Variants in CNTN3 observed in about 807,000 individuals in gnomAD.
CNTN3 encodes contactin 3.
A neutral mutation model predicts 119.1 loss-of-function variants in CNTN3; 60 were observed. The observed-to-expected ratio is 0.50, with a 90% confidence interval of 0.41 to 0.62. CNTN3 has a LOEUF of 0.62. CNTN3 is among the 20% of genes least tolerant of loss of function. The pLI, the probability that CNTN3 is intolerant of heterozygous loss-of-function variation, is 0.00. For synonymous variants in CNTN3, 450 were observed against 438.7 expected (o/e 1.03, Z -0.32); for missense variants, 1,101 against 1,242.4 (o/e 0.89, Z 1.71).
intron 14 of CNTN3, among the ~76,000 whole-genome samples, chr3:74,302,411 A>T (rs1390174172): frequency 6.6e-6 from 1 of 152,186 alleles, no homozygotes; most frequent in African/African-American, 2.4e-5. Context: ...TCTCAAATTA[A>T]ATACAATCAC....
intron 2 of CNTN3, among the ~76,000 whole-genome samples, chr3:74,511,744 G>T (rs2107104921): frequency 6.6e-6 from 1 of 152,160 alleles, no homozygotes; most frequent in Non-Finnish European, 1.5e-5. Flanking sequence ...TAAATAAAAT[G>T]TTATTGGAAC....
intron 4 of CNTN3, among the ~76,000 whole-genome samples, chr3:74,474,876 T>C (rs1180794922): frequency 6.6e-6 from 1 of 152,050 alleles, no homozygotes; most frequent in Non-Finnish European, 1.5e-5. Flanking sequence ...AAGTGTGTGG[T>C]TCCTCCCCAC....
intron 1 of CNTN3, among the ~76,000 whole-genome samples, chr3:74,588,448 A>C (rs1354862584): frequency 2.6e-5 from 4 of 152,086 alleles, no homozygotes; most frequent in African/African-American, 9.7e-5. Context: ...GCTCAAGGAA[A>C]TAAAAGAGGA....
chr3:74,281,200 T>C (rs1331644389), intron 20 of CNTN3, among the ~76,000 whole-genome samples: 2 of 152,098 alleles, frequency 1.3e-5, no homozygotes, highest in Non-Finnish European at 2.9e-5. Flanking sequence ...AGTGACATTA[T>C]CAGGATGTCA....
rs77729116 is a variant in CNTN3, at chr3:74,295,468, C to T, written c.2402-232G>A. 1.7e-3 allele frequency among the ~76,000 whole-genome samples: 266 copies of T among 152,268 alleles called. 2 individuals carry two copies. The highest frequency in any genetic ancestry group is 6.8e-3 in the Middle Eastern group (2 of 294). ...AACAGCTGTGGCAACCTATACTTTCCTCCCTTGCACCTCTTTCTTGGCATC... is the reference window on the plus strand; with the variant it reads ...AACAGCTGTGGCAACCTATACTTTCTTCCCTTGCACCTCTTTCTTGGCATC... On this transcript the variant is annotated intron_variant, in intron 18 of 22. Coordinates refer to ENST00000263665, the MANE Select transcript of CNTN3 (RefSeq NM_020872.3).
At chr3:74,608,118 A>T (rs1227220633) in intron 1 of CNTN3, among the ~76,000 whole-genome samples, 3 of 152,202 alleles carry the variant, frequency 2.0e-5, no homozygotes, top group Admixed American at 6.5e-5. Flanking sequence ...AAAGCTAAAA[A>T]ATGCAGATTA....
At position 74,486,499 on chromosome 3, in the gene CNTN3, T is replaced by G. The variant is rs763578810; in HGVS notation, c.315A>C (p.Ser105=). 1.9e-6 allele frequency: 3 copies of G among 1,607,432 alleles called. No individual in the cohort carries two copies. Among genetic ancestry groups the G allele is most frequent in the South Asian group, 2.2e-5 (2 of 89,172 alleles). The change falls in exon 4 of 23, where the codon TCA becomes TCC. Residue 105 remains serine (S), a synonymous_variant. Transcript: ENST00000263665. ...CTTCTCTGCTGACAATTGTTCCAAG[T>G]GAATTTGTTGCAAAACATTGGTAAG... The part of the protein sequence containing the change: ...TGTYQCFATN[S]LGTIVSREAK...
chr3:74,425,015 T>A, intron 4 of CNTN3, 75 bp from the exon 5 acceptor site: 1 of 919,924 alleles, frequency 1.1e-6, no homozygotes. Flanking sequence ...AGACCTTCCT[T>A]TCTTTTAGAA....
intron 1 of CNTN3, among the ~76,000 whole-genome samples, chr3:74,566,669 C>A (rs551075677): frequency 1.3e-5 from 2 of 152,246 alleles, no homozygotes; most frequent in African/African-American, 4.8e-5. Context: ...ACACCCTAAT[C>A]CAGTAAACTC....
Position 74,438,900 on chromosome 3 carries a change from T to G in CNTN3, c.359-13960A>C, listed in dbSNP as rs143475310. 1.6e-4 allele frequency among the ~76,000 whole-genome samples: 24 copies of G among 152,264 alleles called. No individual in the cohort carries two copies. In the East Asian group the frequency reaches 4.1e-3, roughly 26 times the overall value. Reference sequence around the variant, plus strand: ...TAGCACATGCAATAATTCTCCTAACTCAACACAAAAATATTGAACACAGAA... The same window carrying G: ...TAGCACATGCAATAATTCTCCTAACGCAACACAAAAATATTGAACACAGAA... On this transcript the variant is annotated intron_variant, in intron 4 of 22. Coordinates refer to ENST00000263665, the MANE Select transcript of CNTN3 (RefSeq NM_020872.3).
At chr3:74,592,174 T>G (rs572214380) in intron 1 of CNTN3, among the ~76,000 whole-genome samples, 1 of 151,848 alleles carries the variant, frequency 6.6e-6, no homozygotes, top group Admixed American at 6.6e-5. Flanking sequence ...ACCACAGAAC[T>G]TGACATTAAG....
chr3:74,441,970 T>C (rs955875677), intron 4 of CNTN3, among the ~76,000 whole-genome samples: 1 of 152,172 alleles, frequency 6.6e-6, no homozygotes, highest in Admixed American at 6.6e-5. Flanking sequence ...CCATTCAATT[T>C]CATTTTTTGC....
At chr3:74,431,059 G>A (rs1235166336) in intron 4 of CNTN3, among the ~76,000 whole-genome samples, 2 of 152,060 alleles carry the variant, frequency 1.3e-5, no homozygotes, top group Non-Finnish European at 2.9e-5. Context: ...CTTGTGACTA[G>A]CTTTTTGTAA....
intron 4 of CNTN3, among the ~76,000 whole-genome samples, chr3:74,440,497 A>G (rs1378695111): frequency 3.3e-5 from 5 of 151,558 alleles, no homozygotes; most frequent in Non-Finnish European, 7.4e-5. Flanking sequence ...AAAAAAAAAA[A>G]GTCTCCCATA....
chr3:74,551,922 C>CCA (rs1703998271), intron 1 of CNTN3, among the ~76,000 whole-genome samples: 1 of 151,578 alleles, frequency 6.6e-6, no homozygotes, highest in Non-Finnish European at 1.5e-5. Flanking sequence ...TGTCACCACA[C>CCA]CCCGGTAATT....
At chr3:74,522,109 A>T (rs767840417) in intron 1 of CNTN3, among the ~76,000 whole-genome samples, 1 of 151,906 alleles carries the variant, frequency 6.6e-6, no homozygotes, top group Non-Finnish European at 1.5e-5. Context: ...GGTTCCTGAC[A>T]TGTGGCGTAT....
At chr3:74,599,719 G>A (rs1282816512) in intron 1 of CNTN3, among the ~76,000 whole-genome samples, 1 of 152,062 alleles carries the variant, frequency 6.6e-6, no homozygotes, top group Non-Finnish European at 1.5e-5. Context: ...CTAACTGAAT[G>A]TGAAATGTTC....
chr3:74,287,541 A>C (rs1312688239), intron 19 of CNTN3, among the ~76,000 whole-genome samples: 1 of 152,218 alleles, frequency 6.6e-6, no homozygotes, highest in Non-Finnish European at 1.5e-5. Flanking sequence ...TTAACTTAGC[A>C]GTTAGACCAG....
intron 1 of CNTN3, among the ~76,000 whole-genome samples, chr3:74,589,245 C>A (rs1325559031): frequency 6.6e-6 from 1 of 151,972 alleles, no homozygotes; most frequent in Non-Finnish European, 1.5e-5. Flanking sequence ...ACAATGAACT[C>A]AAACCAATTT....
Sources: allele counts gnomAD v4.1 joint callset (sites outside exome capture counted in the v4.1 genomes callset), GRCh38; gene constraint gnomAD v4.1.1; transcripts MANE v1.5; gene names NCBI Gene and HGNC (gene_info 2026-07-23, HGNC 2026-07-21).